The following PCDHGB3 variants were observed in gnomAD, a reference collection of about 807,000 sequenced individuals.
PCDHGB3 encodes protocadherin gamma subfamily B, 3, also known as protocadherin gamma-B3.
In PCDHGB3, 40 loss-of-function variants were observed where a neutral mutation model predicts 59.2. The ratio of observed to expected loss-of-function variants is 0.68; its 90% CI spans 0.52 to 0.88. The LOEUF (loss-of-function observed/expected upper bound fraction) is 0.88, where lower values mean the gene tolerates loss of function less well. PCDHGB3 is among the 40% of genes least tolerant of loss of function. The probability of loss-of-function intolerance (pLI) is 0.00; values close to 1 mark genes in which losing one functional copy is unlikely to be tolerated. For missense variants in PCDHGB3, 1,309 were observed against 1,187.9 expected, an observed-to-expected ratio of 1.10 and a Z score of -1.50; for synonymous variants, 581 against 503.6, an observed-to-expected ratio of 1.15 and a Z score of -2.06.
At chr5:141,381,269 G>A (rs1777099951) in intron 1 of PCDHGB3, among the ~76,000 whole-genome samples, 1 of 152,224 alleles carries the variant, frequency 6.6e-6, no homozygotes, top group Admixed American at 6.5e-5. Flanking sequence ...AACCAAGACT[G>A]TTTCTTGCCA....
intron 1 of PCDHGB3, chr5:141,422,758 A>AAC (rs748292321): frequency 6.2e-7 from 1 of 1,613,150 alleles, no homozygotes. Flanking sequence ...TATTAACTCC[A>AAC]ACACTGGTGT....
chr5:141,431,867 A>C lies in PCDHGB3; in HGVS notation c.2415+59058A>C. On this transcript the variant is annotated intron_variant, in intron 1 of 3. Transcript: ENST00000576222. The surrounding 1 kb of genome is among the most constrained non-coding windows in gnomAD (Gnocchi z 4.8). ...CAGAGGGACATTAATTGCCCTTTTA[A>C]ATGTAAATGACCAAGATTCTGAGGA... 6.2e-7 allele frequency: 1 copy of C among 1,614,226 alleles called. No individual in the cohort carries two copies. Among genetic ancestry groups the C allele is most frequent in the Non-Finnish European group, 8.5e-7 (1 of 1,180,024 alleles).
Position 141,489,268 on chromosome 5 carries a change from G to T in PCDHGB3, c.2416-5539G>T. On this transcript the variant is annotated intron_variant, in intron 1 of 3. Transcript: ENST00000576222. This position sits in a 1 kb window ranked among gnomAD's most constrained non-coding sequence, Gnocchi z 4.5. The stretch of plus-strand genomic sequence containing the variant: ...GGGGCCCAAGACACTCCCACAGCTC[G>T]CTGGGAAATGGCAAGTGCTGTGCAT... The T allele has an allele frequency of 3.9e-6, 6 of 1,553,284 alleles. No homozygotes were observed. The South Asian group carries it at 5.0e-5, about 13-fold the overall frequency.
At chr5:141,478,519 G>A in intron 1 of PCDHGB3, 2 of 1,610,728 alleles carry the variant, frequency 1.2e-6, no homozygotes, top group Non-Finnish European at 1.7e-6. Context: ...GGCAGGTGTT[G>A]GGTGCAGAGA....
chr5:141,470,476 A>G (rs1009129571), intron 1 of PCDHGB3, among the ~76,000 whole-genome samples: 7 of 152,128 alleles, frequency 4.6e-5, no homozygotes, highest in African/African-American at 1.7e-4. Context: ...GATATTACTA[A>G]CCCTCTGGGA....
At chr5:141,380,946 C>A (rs555019785) in intron 1 of PCDHGB3, among the ~76,000 whole-genome samples, 2 of 152,328 alleles carry the variant, frequency 1.3e-5, no homozygotes, top group East Asian at 3.8e-4. Flanking sequence ...CTTGCCTCAA[C>A]AAGAAGTTCA....
intron 1 of PCDHGB3, chr5:141,430,960 C>T (rs2097330619): frequency 6.2e-7 from 1 of 1,612,432 alleles, no homozygotes; most frequent in Non-Finnish European, 8.5e-7. Context: ...TCCGCATCAT[C>T]CCCAGAGGTA....
chr5:141,404,992 C>G (rs2094593837), intron 1 of PCDHGB3: 5 of 1,613,876 alleles, frequency 3.1e-6, no homozygotes, highest in Admixed American at 3.3e-5. Context: ...GTCTTCAGAT[C>G]CCTGCAGACC....
intron 1 of PCDHGB3, chr5:141,420,313 C>T (rs751944742): frequency 1.6e-5 from 23 of 1,434,756 alleles, no homozygotes; most frequent in Non-Finnish European, 2.2e-5. Flanking sequence ...TTTTATATTA[C>T]AATATGCCAA....
In PCDHGB3 at chr5:141,487,160, G is replaced by A. The variant is rs1188929436; in HGVS notation, c.2416-7647G>A. 5.0e-6 allele frequency: 8 copies of A among 1,613,830 alleles called. No homozygotes were observed. The highest frequency in any genetic ancestry group is 5.1e-6 in the Non-Finnish European group (6 of 1,179,840). ...ACTCTCTACCTCTGTTACTCTCTTA[G>A]TGTCCTTAGAGGAAGACACTCATCC... On this transcript the variant is annotated intron_variant, in intron 1 of 3. Transcript: ENST00000576222. The surrounding 1 kb of genome is among the most constrained non-coding windows in gnomAD (Gnocchi z 5.0).
chr5:141,381,826 C>CT (rs770630741), intron 1 of PCDHGB3, among the ~76,000 whole-genome samples: 11,762 of 74,396 alleles, frequency 0.16, 1,041 homozygotes, highest in Non-Finnish European at 0.18. Flanking sequence ...CTTTCTTCTT[C>CT]TTTTTTTTTT....
intron 1 of PCDHGB3, among the ~76,000 whole-genome samples, chr5:141,456,955 T>A (rs1352654794): frequency 2.6e-5 from 4 of 151,974 alleles, no homozygotes; most frequent in African/African-American, 7.3e-5. Flanking sequence ...AGAGCAAAAC[T>A]CCATCTCAAA....
At chr5:141,378,996 A>G (rs1477172762) in intron 1 of PCDHGB3, 1 of 152,260 alleles carries the variant, frequency 6.6e-6, no homozygotes, top group Non-Finnish European at 1.5e-5. Context: ...CATTATAGTC[A>G]AGATTTTTCT....
At chr5:141,381,835 T>C (rs1342005630) in intron 1 of PCDHGB3, among the ~76,000 whole-genome samples, 58 of 141,162 alleles carry the variant, frequency 4.1e-4, no homozygotes, top group African/African-American at 1.5e-3. Context: ...TCTTTTTTTT[T>C]TTTTTTTTTT....
chr5:141,386,109 A>T (rs866004779), intron 1 of PCDHGB3: 1 of 152,246 alleles, frequency 6.6e-6, no homozygotes, highest in Non-Finnish European at 1.5e-5. Context: ...TCTGTGGGCT[A>T]TCAAAGTGGG....
rs1365133001 is a variant in PCDHGB3 at position 141,477,683 on chromosome 5, G to A, written c.2416-17124G>A. ...TGACAATGGCATAGTGTCATCCTTA[G>A]TGCCCCTAGACTATGAGGATCGGCG... On this transcript the variant is annotated intron_variant, in intron 1 of 3. Transcript: ENST00000576222. This position sits in a 1 kb window ranked among gnomAD's most constrained non-coding sequence, Gnocchi z 4.9. 1.2e-6 allele frequency: 2 copies of A among 1,614,176 alleles called. No homozygotes were observed. The highest frequency in any genetic ancestry group is 3.3e-5 in the Admixed American group (2 of 60,028).
At chr5:141,472,332 G>A (rs566731120) in intron 1 of PCDHGB3, among the ~76,000 whole-genome samples, 1 of 152,116 alleles carries the variant, frequency 6.6e-6, no homozygotes, top group East Asian at 1.9e-4. Flanking sequence ...ACGAGGTTGG[G>A]AGATCGAGAC....
At chr5:141,434,875 A>G (rs2097725018) in intron 1 of PCDHGB3, among the ~76,000 whole-genome samples, 1 of 151,990 alleles carries the variant, frequency 6.6e-6, no homozygotes, top group African/African-American at 2.4e-5. Flanking sequence ...TGTGACAGAT[A>G]CCAACAACAA....
chr5:141,414,942 C>T, intron 1 of PCDHGB3: 3 of 1,614,126 alleles, frequency 1.9e-6, no homozygotes, highest in Non-Finnish European at 1.7e-6. Context: ...CAGAGCCCGG[C>T]TACCTGGTGA....
Sources: gnomAD v4.1 joint callset for allele counts (sites outside exome capture counted in the v4.1 genomes callset) on GRCh38, gnomAD v4.1.1 for gene constraint, Gnocchi (gnomAD v3.1) non-coding constraint, MANE v1.5 for transcripts, NCBI Gene and HGNC (gene_info 2026-07-23, HGNC 2026-07-21) for gene names.